HS6ST3: variants seen among roughly 807,000 people sequenced by gnomAD.
The protein encoded by HS6ST3 is heparan-sulfate 6-O-sulfotransferase 3.
HS6ST3 carries 12 observed loss-of-function variants against 36.7 expected under a neutral mutation model. The observed-to-expected ratio is 0.33, with a 90% CI of 0.21 to 0.53. The LOEUF (loss-of-function observed/expected upper bound fraction) is 0.53, where lower values mean the gene tolerates loss of function less well. Ranked by LOEUF, HS6ST3 falls within the 20% of genes least tolerant of loss-of-function variation. HS6ST3 has a pLI of 0.95. For synonymous variants in HS6ST3, 240 were observed against 257.5 expected (o/e 0.93, Z 0.65); for missense variants, 584 against 640.9 (o/e 0.91, Z 0.96).
chr13:96,095,934 C>T (rs2053788677), intron 1 of HS6ST3, among the ~76,000 whole-genome samples: 1 of 149,384 alleles, frequency 6.7e-6, no homozygotes, highest in Non-Finnish European at 1.5e-5. Context: ...GCCATAGATA[C>T]AGCTGCTGGA....
intron 1 of HS6ST3, among the ~76,000 whole-genome samples, chr13:96,710,538 G>A (rs561802544): frequency 1.9e-4 from 29 of 152,380 alleles, no homozygotes; most frequent in African/African-American, 6.5e-4. Context: ...CACATGATAG[G>A]CAGATAGCAC....
chr13:96,091,607 C>A, intron 1 of HS6ST3, 38 bp downstream of exon 1: 1 of 1,517,830 alleles, frequency 6.6e-7, no homozygotes. Flanking sequence ...TTCCCCCCCA[C>A]CCCCCATCCC....
chr13:96,451,010 CTCTCA>C (rs1230154273), intron 1 of HS6ST3, among the ~76,000 whole-genome samples: 1 of 152,068 alleles, frequency 6.6e-6, no homozygotes, highest in Non-Finnish European at 1.5e-5. Flanking sequence ...CAGATTTAGT[CTCTCA>C]TGAAAGCAGC....
At chr13:96,134,330 C>A (rs1438233088) in intron 1 of HS6ST3, among the ~76,000 whole-genome samples, 1 of 151,980 alleles carries the variant, frequency 6.6e-6, no homozygotes, top group East Asian at 1.9e-4. Flanking sequence ...ACTTTTAATA[C>A]TTTATATGGT....
chr13:96,123,651 A>G (rs1479015196), intron 1 of HS6ST3, among the ~76,000 whole-genome samples: 1 of 152,196 alleles, frequency 6.6e-6, no homozygotes, highest in Non-Finnish European at 1.5e-5. Context: ...AACCATTCCC[A>G]GAAGTCTGGC....
intron 1 of HS6ST3, among the ~76,000 whole-genome samples, chr13:96,327,456 T>G (rs1326545503): frequency 6.6e-6 from 1 of 151,972 alleles, no homozygotes; most frequent in Admixed American, 6.6e-5. Context: ...CCATTGCTTG[T>G]TTTTCTCAGG....
intron 1 of HS6ST3, among the ~76,000 whole-genome samples, chr13:96,686,327 C>A (rs1594835957): frequency 6.6e-6 from 1 of 151,894 alleles, no homozygotes; most frequent in Non-Finnish European, 1.5e-5. Context: ...ATGTATTCAT[C>A]CCCCCCACTC....
At chr13:96,735,676 CT>C (rs1308730875) in intron 1 of HS6ST3, among the ~76,000 whole-genome samples, 1 of 152,104 alleles carries the variant, frequency 6.6e-6, no homozygotes, top group Non-Finnish European at 1.5e-5. Flanking sequence ...AAACTGTGCT[CT>C]TTTGTATCAT....
chr13:96,318,676 C>T (rs138854182), intron 1 of HS6ST3, among the ~76,000 whole-genome samples: 69 of 150,736 alleles, frequency 4.6e-4, no homozygotes, highest in African/African-American at 1.6e-3. Flanking sequence ...TTTTTTTTGG[C>T]CTTGTCAAAG....
At chr13:96,831,967 A>AAAAAAC in intron 1 of HS6ST3, among the ~76,000 whole-genome samples, 1 of 147,204 alleles carries the variant, frequency 6.8e-6, no homozygotes, top group Non-Finnish European at 1.5e-5. Flanking sequence ...AAAAAAAAAA[A>AAAAAAC]AAAAAAAAAA....
intron 1 of HS6ST3, among the ~76,000 whole-genome samples, chr13:96,764,969 A>G (rs1877062202): frequency 6.6e-6 from 1 of 151,604 alleles, no homozygotes; most frequent in Non-Finnish European, 1.5e-5. Flanking sequence ...CTAGTTACCC[A>G]TTAGCCATGG....
At chr13:96,484,868 T>C (rs2055906676) in intron 1 of HS6ST3, among the ~76,000 whole-genome samples, 1 of 152,184 alleles carries the variant, frequency 6.6e-6, no homozygotes, top group African/African-American at 2.4e-5. Context: ...GTGAGATTGC[T>C]GGGTCATATG....
chr13:96,660,422 G>A (rs887380558), intron 1 of HS6ST3, among the ~76,000 whole-genome samples: 3 of 152,106 alleles, frequency 2.0e-5, no homozygotes, highest in African/African-American at 4.8e-5. Flanking sequence ...CATACACAAT[G>A]AGGAAAGGAT....
intron 1 of HS6ST3, among the ~76,000 whole-genome samples, chr13:96,284,748 C>CTGCTTGCTTGCT (rs72180855): frequency 6.6e-6 from 1 of 150,424 alleles, no homozygotes; most frequent in Non-Finnish European, 1.5e-5. Context: ...GGATACTGGT[C>CTGCTTGCTTGCT]TGCTTGCTTG....
At chr13:96,187,402 G>A (rs1224872484) in intron 1 of HS6ST3, among the ~76,000 whole-genome samples, 1 of 152,162 alleles carries the variant, frequency 6.6e-6, no homozygotes, top group Non-Finnish European at 1.5e-5. Flanking sequence ...TGCCAGGAAG[G>A]TAAGGCATTA....
chr13:96,122,310 T>C (rs1379029068), intron 1 of HS6ST3, among the ~76,000 whole-genome samples: 2 of 152,004 alleles, frequency 1.3e-5, no homozygotes, highest in Non-Finnish European at 2.9e-5. Flanking sequence ...ATGGCTTTGA[T>C]TCTGTTATCT....
chr13:96,614,918 A>G (rs1192364976), intron 1 of HS6ST3, among the ~76,000 whole-genome samples: 2 of 152,114 alleles, frequency 1.3e-5, no homozygotes, highest in Admixed American at 6.5e-5. Flanking sequence ...TAGTAAGACT[A>G]TTCTTAACAT....
chr13:96,605,910 C>T (rs557372076), intron 1 of HS6ST3, among the ~76,000 whole-genome samples: 1 of 150,810 alleles, frequency 6.6e-6, no homozygotes, highest in East Asian at 1.9e-4. Flanking sequence ...AAAAAATGGG[C>T]AAAGGACAGG....
At chr13:96,682,609 A>T (rs2138438788) in intron 1 of HS6ST3, among the ~76,000 whole-genome samples, 1 of 152,228 alleles carries the variant, frequency 6.6e-6, no homozygotes, top group Middle Eastern at 3.4e-3. Context: ...TGGATTATAG[A>T]CCTGATACAA....
Sources: allele counts gnomAD v4.1 joint callset (sites outside exome capture counted in the v4.1 genomes callset), GRCh38; gene constraint gnomAD v4.1.1; transcripts MANE v1.5; gene names NCBI Gene and HGNC (gene_info 2026-07-23, HGNC 2026-07-21).